USP8: variants seen among roughly 807,000 people sequenced by gnomAD.
The protein encoded by USP8 is ubiquitin specific peptidase 8, also known as ubiquitin carboxyl-terminal hydrolase 8.
Under a neutral mutation model 130.0 loss-of-function variants are expected in USP8, and 27 were observed. That is an observed-to-expected ratio of 0.21 (90% CI 0.15 to 0.29). The LOEUF (loss-of-function observed/expected upper bound fraction) is 0.29. Among genes scored for constraint, USP8 ranks in the 10% least tolerant of loss-of-function variants. The pLI, the probability that USP8 is intolerant of heterozygous loss-of-function variation, is 1.00. For synonymous variants in USP8, 392 were observed against 444.1 expected, an observed-to-expected ratio of 0.88 and a Z score of 1.48; for missense variants, 1,029 against 1,312.2, an observed-to-expected ratio of 0.78 and a Z score of 3.33.
intron 3 of USP8, among the ~76,000 whole-genome samples, chr15:50,443,034 T>A (rs2050311052): frequency 6.6e-6 from 1 of 152,214 alleles, no homozygotes; most frequent in African/African-American, 2.4e-5. Flanking sequence ...ATGATCTTTT[T>A]AAATTTTTTT....
At chr15:50,432,522 C>T (rs1296808766) in intron 1 of USP8, 1 of 152,214 alleles carries the variant, frequency 6.6e-6, no homozygotes, top group Non-Finnish European at 1.5e-5. Context: ...AATTGATCTA[C>T]ATTCTGTCAC....
At chr15:50,441,222 A>G in intron 2 of USP8, 127 bp from the exon 3 acceptor site, 1 of 868,496 alleles carries the variant, frequency 1.2e-6, no homozygotes, top group Non-Finnish European at 1.6e-6. Context: ...CAGGCCGTGA[A>G]CCAGTACCAA....
At chr15:50,440,525 C>T (rs2050221475) in intron 2 of USP8, among the ~76,000 whole-genome samples, 2 of 152,160 alleles carry the variant, frequency 1.3e-5, no homozygotes, top group Admixed American at 1.3e-4. Context: ...GTCAAGTGCA[C>T]TACATTTATT....
chr15:50,494,423 ACAT>A, intron 16 of USP8, 143 bp downstream of exon 16: 1 of 666,298 alleles, frequency 1.5e-6, no homozygotes, highest in Non-Finnish European at 2.4e-6. Context: ...GAATTATAAA[ACAT>A]CAGGTAAGTG....
chr15:50,459,996 C>CCCCCCCCCTCTTT (rs567135111), intron 5 of USP8, among the ~76,000 whole-genome samples: 1 of 91,986 alleles, frequency 1.1e-5, no homozygotes, highest in Non-Finnish European at 2.1e-5. Flanking sequence ...CACCCCCCCC[C>CCCCCCCCCTCTTT]TTTTTTTTTT....
At chr15:50,476,441 G>C (rs908491174) in intron 8 of USP8, among the ~76,000 whole-genome samples, 4 of 152,106 alleles carry the variant, frequency 2.6e-5, no homozygotes, top group Non-Finnish European at 4.4e-5. Flanking sequence ...CAGTCAACCA[G>C]TAGTCGAATA....
chr15:50,438,078 G>A (rs183794063), intron 1 of USP8, among the ~76,000 whole-genome samples: 294 of 152,318 alleles, frequency 1.9e-3, no homozygotes, highest in Admixed American at 4.9e-3. Context: ...TAGAAGGGAT[G>A]AGTACCAATA....
chr15:50,430,891 G>A (rs2049908746), intron 1 of USP8, among the ~76,000 whole-genome samples: 2 of 152,090 alleles, frequency 1.3e-5, no homozygotes, highest in Non-Finnish European at 2.9e-5. Flanking sequence ...GGACACATTC[G>A]GCAATGACTG....
chr15:50,449,260 G>A (rs2050537697), intron 3 of USP8, 140 bp from the exon 4 acceptor site: 1 of 440,316 alleles, frequency 2.3e-6, no homozygotes, highest in Middle Eastern at 4.4e-4. Context: ...ATTTACATAG[G>A]TTAAAAGTTT....
intron 4 of USP8, among the ~76,000 whole-genome samples, chr15:50,451,837 T>A (rs552720169): frequency 6.6e-6 from 1 of 152,360 alleles, no homozygotes; most frequent in East Asian, 1.9e-4. Context: ...GCCGGCAGTC[T>A]GAGAATGGGC....
intron 15 of USP8, 168 bp downstream of exon 15, chr15:50,493,081 G>T (rs1467552352): frequency 5.2e-6 from 4 of 763,700 alleles, no homozygotes; most frequent in Admixed American, 2.0e-5. Flanking sequence ...GAAGGCCATC[G>T]TCTAGGTGCC....
chr15:50,446,674 G>A (rs2050450612), intron 3 of USP8, among the ~76,000 whole-genome samples: 1 of 152,184 alleles, frequency 6.6e-6, no homozygotes, highest in African/African-American at 2.4e-5. Context: ...GAATTACATA[G>A]TGAAGGGTCC....
At chr15:50,432,024 A>G (rs2049950118) in intron 1 of USP8, among the ~76,000 whole-genome samples, 1 of 152,124 alleles carries the variant, frequency 6.6e-6, no homozygotes, top group African/African-American at 2.4e-5. Flanking sequence ...CTCTCTCATC[A>G]CATCATCATG....
intron 1 of USP8, among the ~76,000 whole-genome samples, chr15:50,437,018 T>C (rs542991978): frequency 6.6e-6 from 1 of 152,086 alleles, no homozygotes; most frequent in Admixed American, 6.6e-5. Flanking sequence ...TTTTTAAATG[T>C]GTATTTTTTG....
chr15:50,485,273 G>A (rs762731233), intron 12 of USP8, among the ~76,000 whole-genome samples: 4 of 151,646 alleles, frequency 2.6e-5, no homozygotes, highest in East Asian at 1.9e-4. Context: ...GTGAAACGCC[G>A]TCTCTACTAA....
At chr15:50,424,793 T>C (rs950263845) in intron 1 of USP8, 10 of 301,968 alleles carry the variant, frequency 3.3e-5, no homozygotes, top group East Asian at 5.3e-5. Flanking sequence ...TGGACACTTA[T>C]ACCCGACTTT....
At chr15:50,497,478 C>T (rs967748446) in intron 18 of USP8, 1 of 330,548 alleles carries the variant, frequency 3.0e-6, no homozygotes, top group African/African-American at 2.1e-5. Flanking sequence ...AATTACAAAG[C>T]ATCAAGTGAA....
rs571671554 is a variant in USP8, at chr15:50,503,812, A to G, written c.*4724A>G. ...CAGGATATCCACATATGAAACCCCA[A>G]TGAAGTTGAGATCACAATTCAAAAT... is the stretch of plus-strand genomic sequence containing the variant. On this transcript the variant is annotated 3_prime_UTR_variant, in exon 20 of 20. Coordinates refer to ENST00000307179, the MANE Select transcript of USP8 (RefSeq NM_005154.5). 1.3e-5 allele frequency: 2 copies of G among 152,366 alleles called. No homozygotes were observed. Among genetic ancestry groups the G allele is most frequent in the African/African-American group, 2.4e-5 (1 of 41,596 alleles). The allele number at this position is 152,366 out of a possible 1,614,324, so 9.4% of individuals were successfully genotyped here. A position where few individuals can be genotyped will look rare whatever the true frequency, so the allele number is the denominator to read the frequency against.
At chr15:50,428,579 G>T (rs1158307429) in intron 1 of USP8, among the ~76,000 whole-genome samples, 1 of 148,740 alleles carries the variant, frequency 6.7e-6, no homozygotes, top group Non-Finnish European at 1.5e-5. Context: ...TTATAAATTA[G>T]TAACAAGAGA....
Sources: allele counts gnomAD v4.1 joint callset (sites outside exome capture counted in the v4.1 genomes callset), GRCh38; gene constraint gnomAD v4.1.1; transcripts MANE v1.5; gene names NCBI Gene and HGNC (gene_info 2026-07-23, HGNC 2026-07-21).